The following JAK2 variants were observed in gnomAD, a reference collection of about 807,000 sequenced individuals.
JAK2 encodes the protein Janus kinase 2.
JAK2 carries 86 observed loss-of-function variants against 139.3 expected under a neutral mutation model. The observed-to-expected ratio is 0.62, with a 90% CI of 0.52 to 0.74. The LOEUF (loss-of-function observed/expected upper bound fraction) is 0.74, where lower values mean the gene tolerates loss of function less well. JAK2 is among the 30% of genes least tolerant of loss of function. The pLI is 0.00. For missense variants in JAK2, 1,421 were observed against 1,360.3 expected (o/e 1.04, Z -0.70); for synonymous variants, 490 against 437.7 (o/e 1.12, Z -1.49).
intron 18 of JAK2, 61 bp from the exon 19 acceptor site, chr9:5,081,664 C>T: frequency 8.4e-7 from 1 of 1,184,530 alleles, no homozygotes; most frequent in Non-Finnish European, 1.2e-6. Flanking sequence ...GAATGTATAT[C>T]AGTTTAGTCC....
At chr9:5,084,550 T>C (rs1054246992) in intron 19 of JAK2, among the ~76,000 whole-genome samples, 1 of 152,144 alleles carries the variant, frequency 6.6e-6, no homozygotes, top group African/African-American at 2.4e-5. Context: ...TTTTATTTTT[T>C]AAAAAATATT....
intron 2 of JAK2, among the ~76,000 whole-genome samples, chr9:5,014,890 T>C (rs1821941317): frequency 6.6e-6 from 1 of 152,142 alleles, no homozygotes; most frequent in Non-Finnish European, 1.5e-5. Flanking sequence ...CCATTGTGTA[T>C]TGTATTTTGG....
chr9:5,102,958 C>T (rs1446074075), intron 22 of JAK2, among the ~76,000 whole-genome samples: 1 of 151,934 alleles, frequency 6.6e-6, no homozygotes, highest in Admixed American at 6.6e-5. Flanking sequence ...TTGTAAAGAC[C>T]ATCGATGATA....
At position 5,121,687 on chromosome 9, in the gene JAK2, A is replaced by G. The variant is rs1050655562; in HGVS notation, c.3060-1317A>G. On this transcript the variant is annotated intron_variant, in intron 22 of 24. Coordinates refer to ENST00000381652, the MANE Select transcript of JAK2 (RefSeq NM_004972.4). ...AGATTTACATACACTTCAAAAAGAC[A>G]AAGAATTTACAAGTTTTCTGAATGC... Among the ~76,000 whole-genome samples, 4 of 152,342 alleles carry G rather than the reference A, an allele frequency of 2.6e-5. No individual in the cohort carries two copies. The South Asian group carries it at 8.3e-4, about 32-fold the overall frequency.
At chr9:5,005,083 ATTTTTTTTTTTTTTTTTTTTTTTTTTT>A (rs527982744) in intron 2 of JAK2, among the ~76,000 whole-genome samples, 44 of 40,032 alleles carry the variant, frequency 1.1e-3, no homozygotes, top group Non-Finnish European at 1.3e-3. Flanking sequence ...TGCCTGGCTA[ATTTTTTTTTTTTTTTTTTTTTTTTTTT>A]TTTTTTTTTT....
chr9:5,110,984 T>C (rs898071750), intron 22 of JAK2: 17 of 638,248 alleles, frequency 2.7e-5, no homozygotes, highest in South Asian at 1.2e-4. Context: ...TTCAGCATGA[T>C]GTTCCCGCTG....
chr9:5,085,743 C>A (rs181936397), intron 19 of JAK2: 12 of 753,488 alleles, frequency 1.6e-5, no homozygotes, highest in Non-Finnish European at 2.2e-5. Flanking sequence ...GGCTGTGGCG[C>A]GCTGGCTAGC....
rs767470238 is a variant in JAK2, at chr9:5,089,730, G to A, written c.2628G>A (p.Gly876=). The part of the protein sequence containing the change: ...CRYDPLQDNT[G]EVVAVKKLQH... ...ATGACCCTCTACAGGACAACACTGG[G>A]GAGGTGGTCGCTGTAAAAAAGCTTC... The change falls in exon 20 of 25, where the codon GGG becomes GGA. Residue 876 remains glycine (G), a synonymous_variant. Coordinates refer to ENST00000381652, the MANE Select transcript of JAK2 (RefSeq NM_004972.4). 9 of 1,580,184 alleles carry A rather than the reference G, an allele frequency of 5.7e-6. No individual in the cohort carries two copies. In the East Asian group the frequency reaches 7.1e-5, roughly 12 times the overall value.
intron 22 of JAK2, chr9:5,111,122 C>T (rs898076806): frequency 1.7e-6 from 2 of 1,187,962 alleles, no homozygotes; most frequent in Non-Finnish European, 2.4e-6. Context: ...TCCTTTGACC[C>T]CAGCTGGACG....
intron 2 of JAK2, among the ~76,000 whole-genome samples, chr9:5,000,593 G>A (rs1239608869): frequency 6.6e-6 from 1 of 152,070 alleles, no homozygotes. Context: ...ACTTTTAGGA[G>A]TTTTCTTTTT....
At chr9:5,044,765 G>C (rs889643869) in intron 5 of JAK2, among the ~76,000 whole-genome samples, 1 of 151,964 alleles carries the variant, frequency 6.6e-6, no homozygotes, top group Middle Eastern at 3.2e-3. Context: ...TCTTTTTTAG[G>C]ACTTTAGATC....
chr9:5,000,325 G>A (rs1480517803), intron 2 of JAK2, among the ~76,000 whole-genome samples: 3 of 152,044 alleles, frequency 2.0e-5, no homozygotes, highest in African/African-American at 7.2e-5. Flanking sequence ...AACATACCAA[G>A]GAAATAGTCG....
intron 3 of JAK2, among the ~76,000 whole-genome samples, chr9:5,027,799 A>G (rs1046904277): frequency 1.3e-5 from 2 of 152,218 alleles, no homozygotes; most frequent in African/African-American, 4.8e-5. Context: ...GCTCATCCAT[A>G]AAAAGCAATT....
intron 4 of JAK2, among the ~76,000 whole-genome samples, chr9:5,031,879 G>A (rs1823178014): frequency 6.6e-6 from 1 of 152,224 alleles, no homozygotes; most frequent in African/African-American, 2.4e-5. Context: ...GGTGTACCGG[G>A]TTCGTCTCAC....
intron 23 of JAK2, 35 bp from the exon 24 acceptor site, chr9:5,126,295 TAAA>T (rs1231420096): frequency 7.0e-7 from 1 of 1,423,824 alleles, no homozygotes; most frequent in Admixed American, 1.9e-5. Context: ...TGCTACAAAT[TAAA>T]TGTACAAAAA....
chr9:5,115,390 T>C (rs1164491644), intron 22 of JAK2, among the ~76,000 whole-genome samples: 1 of 152,110 alleles, frequency 6.6e-6, no homozygotes, highest in African/African-American at 2.4e-5. Context: ...AGAATGGCGA[T>C]CATTAAAAAG....
At chr9:5,094,441 T>C (rs1376588428) in intron 22 of JAK2, 1 of 152,104 alleles carries the variant, frequency 6.6e-6, no homozygotes, top group Non-Finnish European at 1.5e-5. Context: ...AGGATAAGCA[T>C]CCAATTCAAA....
chr9:5,031,647 C>G (rs901693110), intron 4 of JAK2, among the ~76,000 whole-genome samples: 1 of 152,288 alleles, frequency 6.6e-6, no homozygotes, highest in Middle Eastern at 3.4e-3. Context: ...GAACTGAATT[C>G]AAGTCCTTGG....
At chr9:5,102,990 C>A (rs187073576) in intron 22 of JAK2, among the ~76,000 whole-genome samples, 1 of 151,874 alleles carries the variant, frequency 6.6e-6, no homozygotes, top group Admixed American at 6.6e-5. Context: ...CATCAACTAA[C>A]GGGCAAAATA....
Sources: allele counts gnomAD v4.1 joint callset (sites outside exome capture counted in the v4.1 genomes callset), GRCh38; gene constraint gnomAD v4.1.1; transcripts MANE v1.5; gene names NCBI Gene and HGNC (gene_info 2026-07-23, HGNC 2026-07-21).